The following RPS6KA5 variants were observed in gnomAD, a reference collection of about 807,000 sequenced individuals.
RPS6KA5 encodes the protein ribosomal protein S6 kinase alpha-5.
In RPS6KA5, 27 loss-of-function variants were observed where a neutral mutation model predicts 85.5. The ratio of observed to expected loss-of-function variants is 0.32; its 90% CI spans 0.23 to 0.44. The LOEUF (loss-of-function observed/expected upper bound fraction) is 0.44. Ranked by LOEUF, RPS6KA5 falls within the 20% of genes least tolerant of loss-of-function variation. The pLI, the probability that RPS6KA5 is intolerant of heterozygous loss-of-function variation, is 1.00. For missense variants in RPS6KA5, 811 were observed against 980.9 expected (o/e 0.83, Z 2.31); for synonymous variants, 334 against 348.2 (o/e 0.96, Z 0.46).
intron 1 of RPS6KA5, among the ~76,000 whole-genome samples, chr14:91,036,664 G>T (rs992282049): frequency 2.6e-5 from 4 of 152,182 alleles, no homozygotes; most frequent in Non-Finnish European, 5.9e-5. Context: ...CCTTTATCGA[G>T]GTCACTGCTG....
Position 90,872,132 on chromosome 14 carries a change from T to C in RPS6KA5, c.2351A>G (p.Asn784Ser). Residue 784 changes from asparagine to serine, a missense_variant, in exon 17 of 17, where the codon AAT becomes AGT. Physicochemically the swap from Asn to Ser is conservative, Grantham distance 46. Coordinates refer to ENST00000614987, the MANE Select transcript of RPS6KA5 (RefSeq NM_004755.4). ...CTCCGGGTTATTGCTGTCGGCAGGA[T>C]TGCTGGGCTGCAGTGTCTTGGTGGG... ...TTPTKTLQPSNPADSNNPETL... is the reference protein window; with the variant it reads ...TTPTKTLQPSSPADSNNPETL... 1 of 1,613,822 alleles carries C rather than the reference T, an allele frequency of 6.2e-7. No homozygotes were observed. Among genetic ancestry groups the C allele is most frequent in the Non-Finnish European group, 8.5e-7 (1 of 1,179,944 alleles).
chr14:90,854,667 C>T lies in RPS6KA5; in HGVS notation c.*17407G>A, dbSNP rs2032184401. On this transcript the variant is annotated 3_prime_UTR_variant, in exon 17 of 17. Transcript: ENST00000614987. ...ATATCTAAAAGACGTATCAGACTCACTCAGTAAAAAATATACTATACTTAC... is the reference window on the plus strand; with the variant it reads ...ATATCTAAAAGACGTATCAGACTCATTCAGTAAAAAATATACTATACTTAC... 6.6e-6 allele frequency: 1 copy of T among 152,156 alleles called. No homozygotes were observed. The highest frequency in any genetic ancestry group is 1.5e-5 in the Non-Finnish European group (1 of 67,998). 9.4% of individuals were successfully genotyped at this position (152,156 alleles called of 1,614,324 possible).
chr14:90,943,913 C>T (rs920698003), intron 4 of RPS6KA5, among the ~76,000 whole-genome samples: 2 of 151,916 alleles, frequency 1.3e-5, no homozygotes, highest in East Asian at 3.9e-4. Context: ...AGTGCAGTGG[C>T]GTGGTCCTAG....
rs765578032 is a variant in RPS6KA5 at position 90,872,224 on chromosome 14, G to C, written c.2259C>G (p.Thr753=). 60 of 1,613,856 alleles carry C rather than the reference G, an allele frequency of 3.7e-5. 1 individual carries two copies. Among genetic ancestry groups the C allele is most frequent in the Non-Finnish European group, 5.1e-5 (60 of 1,180,018 alleles). ...RRKMKKTSTS[T]ETRSSSSESS... ...TCTCACTGGAACTGCTGCGCGTCTC[G>C]GTACTGGTGCTAGTCTTTTTCATTT... is the stretch of plus-strand genomic sequence containing the variant. The change falls in exon 17 of 17, where the codon ACC becomes ACG. Residue 753 remains threonine, a synonymous_variant. Coordinates refer to ENST00000614987, the MANE Select transcript of RPS6KA5 (RefSeq NM_004755.4).
chr14:91,028,087 ATATTT>A (rs1566882080), intron 1 of RPS6KA5, among the ~76,000 whole-genome samples: 1 of 152,230 alleles, frequency 6.6e-6, no homozygotes, highest in Admixed American at 6.5e-5. Context: ...AATAAATGTA[ATATTT>A]TATTTGGCCA....
rs757865793 is a variant in RPS6KA5 at position 91,060,387 on chromosome 14, C to T, written c.48G>A (p.Ala16=). 6.6e-7 allele frequency: 1 copy of T among 1,509,396 alleles called. No individual in the cohort carries two copies. The highest frequency in any genetic ancestry group is 8.9e-7 in the Non-Finnish European group (1 of 1,123,490). 93.5% of individuals were successfully genotyped at this position (1,509,396 alleles called of 1,614,324 possible). A position where few individuals can be genotyped will look rare whatever the true frequency, so the allele number is the denominator to read the frequency against. The change falls in exon 1 of 17, where the codon GCG becomes GCA. Residue 16 remains alanine, a synonymous_variant. Coordinates refer to ENST00000614987, the MANE Select transcript of RPS6KA5 (RefSeq NM_004755.4). ...GCTGCTCTCCTCCGTCGCCGCCGTC[C>T]GCGCTGGTCCCCGCGGCGCCGCCGC... ...GSSGGAAGTS[A]DGGDGGEQLL...
intron 7 of RPS6KA5, among the ~76,000 whole-genome samples, chr14:90,913,750 CAG>C (rs1383949145): frequency 3.3e-5 from 5 of 152,212 alleles, no homozygotes; most frequent in Admixed American, 6.5e-5. Flanking sequence ...CTTTCCCTAA[CAG>C]GGGGAAGATG....
intron 3 of RPS6KA5, among the ~76,000 whole-genome samples, chr14:90,956,566 T>C (rs1296555690): frequency 6.6e-6 from 1 of 152,158 alleles, no homozygotes; most frequent in Non-Finnish European, 1.5e-5. Context: ...ATATATCTCA[T>C]ATCTTTTTTG....
At chr14:90,944,827 G>A (rs1735496911) in intron 4 of RPS6KA5, among the ~76,000 whole-genome samples, 1 of 152,040 alleles carries the variant, frequency 6.6e-6, no homozygotes, top group Non-Finnish European at 1.5e-5. Flanking sequence ...GCTGAGGCAG[G>A]AGGATCACTT....
chr14:90,906,947 T>C (rs1057392684), intron 7 of RPS6KA5, among the ~76,000 whole-genome samples: 3 of 152,146 alleles, frequency 2.0e-5, no homozygotes, highest in East Asian at 1.9e-4. Context: ...ATGAGGCAGG[T>C]AGAGCTCAGA....
At chr14:90,999,606 C>T (rs2040693144) in intron 2 of RPS6KA5, among the ~76,000 whole-genome samples, 2 of 152,162 alleles carry the variant, frequency 1.3e-5, no homozygotes, top group South Asian at 4.1e-4. Flanking sequence ...GGCTGCAGAG[C>T]AACACAGTCC....
rs755673202 is a variant in RPS6KA5 at position 90,882,672 on chromosome 14, G to GT, written c.1837-7313dup. 2.4e-3 allele frequency among the ~76,000 whole-genome samples: 357 copies of GT among 149,560 alleles called. 2 individuals are homozygous for GT. Among genetic ancestry groups the GT allele is most frequent in the African/African-American group, 5.9e-3 (241 of 40,862 alleles). ...CCAGAGATAGGATTCTTGGTTGACA[G>GT]TTTTTTTTTTCCCTTTTAGTGCTTT... On this transcript the variant is annotated intron_variant, in intron 14 of 16. Transcript: ENST00000614987.
In RPS6KA5 at chr14:90,854,092, C is replaced by G. The variant is rs1240862802; in HGVS notation, c.*17982G>C. 1 of 152,048 alleles carries G rather than the reference C, an allele frequency of 6.6e-6. No individual in the cohort carries two copies. The highest frequency in any genetic ancestry group is 2.4e-5 in the African/African-American group (1 of 41,380). The allele number at this position is 152,048 out of a possible 1,614,324, so 9.4% of individuals were successfully genotyped here. On this transcript the variant is annotated 3_prime_UTR_variant, in exon 17 of 17. Coordinates refer to ENST00000614987, the MANE Select transcript of RPS6KA5 (RefSeq NM_004755.4). ...TCACAAGACCAAACTATTAAAGTAC[C>G]TAGAAAATAGAATATTTTTTCCTCT... is the stretch of plus-strand genomic sequence containing the variant.
chr14:90,938,183 C>A (rs149221573), intron 5 of RPS6KA5, among the ~76,000 whole-genome samples: 2 of 152,158 alleles, frequency 1.3e-5, no homozygotes, highest in Admixed American at 6.6e-5. Context: ...CAAAATCCAG[C>A]GGGGCAGTCA....
chr14:91,038,295 G>T (rs1262176340), intron 1 of RPS6KA5, among the ~76,000 whole-genome samples: 1 of 152,220 alleles, frequency 6.6e-6, no homozygotes, highest in Non-Finnish European at 1.5e-5. Flanking sequence ...GGACCACTAT[G>T]AATTATACAA....
intron 3 of RPS6KA5, among the ~76,000 whole-genome samples, chr14:90,977,488 T>C (rs766824507): frequency 6.6e-6 from 1 of 152,216 alleles, no homozygotes. Context: ...AGGGTGGAAA[T>C]GGGAGTGTAA....
At chr14:90,904,010 G>C (rs1354924465) in intron 8 of RPS6KA5, among the ~76,000 whole-genome samples, 2 of 151,296 alleles carry the variant, frequency 1.3e-5, no homozygotes, top group Admixed American at 1.3e-4. Context: ...GCAGTGGCGC[G>C]ATCTCGGCTC....
In RPS6KA5 at chr14:90,856,734, A is replaced by C. The variant is rs2032305912; in HGVS notation, c.*15340T>G. 1 of 152,300 alleles carries C rather than the reference A, an allele frequency of 6.6e-6. No individual in the cohort carries two copies. Among genetic ancestry groups the C allele is most frequent in the African/African-American group, 2.4e-5 (1 of 41,450 alleles). The allele number at this position is 152,300 out of a possible 1,614,324, so 9.4% of individuals were successfully genotyped here. On this transcript the variant is annotated 3_prime_UTR_variant, in exon 17 of 17. Coordinates refer to ENST00000614987, the MANE Select transcript of RPS6KA5 (RefSeq NM_004755.4). ...CCATTCATTGTTTTTTACTACATTTACAATGTCTTGCAACCATTACCACTA... is the reference window on the plus strand; with the variant it reads ...CCATTCATTGTTTTTTACTACATTTCCAATGTCTTGCAACCATTACCACTA...
chr14:90,994,508 T>A (rs2140544330), intron 2 of RPS6KA5, among the ~76,000 whole-genome samples: 1 of 151,900 alleles, frequency 6.6e-6, no homozygotes, highest in Admixed American at 6.6e-5. Context: ...AATTCTATTA[T>A]TTGTTGTTTC....
Sources: gnomAD v4.1 joint callset for allele counts (sites outside exome capture counted in the v4.1 genomes callset) on GRCh38, gnomAD v4.1.1 for gene constraint, MANE v1.5 for transcripts, NCBI Gene and HGNC (gene_info 2026-07-23, HGNC 2026-07-21) for gene names.